PRDM16: variants seen among roughly 807,000 people sequenced by gnomAD.
PRDM16 encodes the protein PR/SET domain 16.
Under a neutral mutation model 110.6 loss-of-function variants are expected in PRDM16, and 23 were observed. That is an observed-to-expected ratio of 0.21 (90% confidence interval 0.15 to 0.29). The LOEUF (loss-of-function observed/expected upper bound fraction) is 0.29. PRDM16 is among the 10% of genes least tolerant of loss of function. PRDM16 has a pLI of 1.00. For missense variants in PRDM16, 1,615 were observed against 1,794.3 expected (o/e 0.90, Z 1.81); for synonymous variants, 799 against 781.8 (o/e 1.02, Z -0.37).
chr1:3,362,396 G>A (rs540311566), intron 3 of PRDM16, among the ~76,000 whole-genome samples: 69 of 152,320 alleles, frequency 4.5e-4, no homozygotes, highest in African/African-American at 1.5e-3. Flanking sequence ...CACAACGGGC[G>A]GTCATGGTTG....
At chr1:3,113,363 C>T (rs924403189) in intron 1 of PRDM16, among the ~76,000 whole-genome samples, 1 of 152,138 alleles carries the variant, frequency 6.6e-6, no homozygotes, top group Non-Finnish European at 1.5e-5. Flanking sequence ...GGCTCCTTCA[C>T]TGCAGGTCCC....
At chr1:3,192,964 T>C (rs1638351336) in intron 2 of PRDM16, among the ~76,000 whole-genome samples, 2 of 152,104 alleles carry the variant, frequency 1.3e-5, no homozygotes, top group South Asian at 2.1e-4. Flanking sequence ...AGATCCCTGG[T>C]GATTCATGTG....
In PRDM16 at chr1:3,208,888, C is replaced by A. The variant is rs552886942; in HGVS notation, c.387+22414C>A. The stretch of plus-strand genomic sequence containing the variant: ...GTCCAGAGGCCCCCCCAGGTCCCCA[C>A]GAGTGGGTGGAAAGTCTTGGGGACA... On this transcript the variant is annotated intron_variant, in intron 2 of 16. Coordinates refer to ENST00000270722, the MANE Select transcript of PRDM16 (RefSeq NM_022114.4). The surrounding 1 kb of genome is among the most constrained non-coding windows in gnomAD (Gnocchi z 6.1). 6.6e-6 allele frequency among the ~76,000 whole-genome samples: 1 copy of A among 152,114 alleles called. No individual in the cohort carries two copies. The highest frequency in any genetic ancestry group is 1.5e-5 in the Non-Finnish European group (1 of 68,024).
chr1:3,120,457 G>C (rs529323779), intron 1 of PRDM16, among the ~76,000 whole-genome samples: 1 of 152,230 alleles, frequency 6.6e-6, no homozygotes, highest in Non-Finnish European at 1.5e-5. Flanking sequence ...GAACTCGGGG[G>C]TCGTCACACA....
Position 3,165,792 on chromosome 1 carries a change from GGGAC to G in PRDM16, c.38-20332_38-20329del, listed in dbSNP as rs1643948400. Among the ~76,000 whole-genome samples, 2 of 79,316 alleles carry G rather than the reference GGGAC, an allele frequency of 2.5e-5. 1 individual carries two copies. Among genetic ancestry groups the G allele is most frequent in the African/African-American group, 1.8e-4 (2 of 11,082 alleles). 52.0% of individuals were successfully genotyped at this position (79,316 alleles called of 152,430 possible). On this transcript the variant is annotated intron_variant, in intron 1 of 16. Coordinates refer to ENST00000270722, the MANE Select transcript of PRDM16 (RefSeq NM_022114.4). The stretch of plus-strand genomic sequence containing the variant: ...AGGGACTCACCAGGGCTCAGGGACA[GGGAC>G]TCACCAGGGCTCAGGCACAGGGACT...
chr1:3,324,824 G>A (rs1380057087), intron 3 of PRDM16, among the ~76,000 whole-genome samples: 2 of 151,850 alleles, frequency 1.3e-5, no homozygotes, highest in Non-Finnish European at 2.9e-5. Context: ...GTGGGACTCG[G>A]CGGGTCGTGG....
At chr1:3,299,296 G>A (rs1641158876) in intron 3 of PRDM16, among the ~76,000 whole-genome samples, 1 of 147,484 alleles carries the variant, frequency 6.8e-6, no homozygotes, top group African/African-American at 2.5e-5. Context: ...GCTATGCTGT[G>A]GCCATGATGT....
chr1:3,146,887 G>A (rs1412607624), intron 1 of PRDM16, among the ~76,000 whole-genome samples: 1 of 126,840 alleles, frequency 7.9e-6, no homozygotes, highest in Admixed American at 8.1e-5. Context: ...TTGGTGTGGG[G>A]TGTGTGTGCA....
At chr1:3,280,026 C>G (rs886142208) in intron 3 of PRDM16, among the ~76,000 whole-genome samples, 1 of 151,320 alleles carries the variant, frequency 6.6e-6, no homozygotes, top group African/African-American at 2.4e-5. Flanking sequence ...TAATGCCATA[C>G]TTTTTTTGTA....
chr1:3,071,764 G>A (rs1641767837), intron 1 of PRDM16, among the ~76,000 whole-genome samples: 1 of 152,182 alleles, frequency 6.6e-6, no homozygotes, highest in African/African-American at 2.4e-5. Flanking sequence ...GCAAGGTCAT[G>A]GTTACCAGGT....
At chr1:3,241,574 G>A (rs1184928528) in intron 2 of PRDM16, among the ~76,000 whole-genome samples, 1 of 152,216 alleles carries the variant, frequency 6.6e-6, no homozygotes, top group Non-Finnish European at 1.5e-5. Flanking sequence ...TGGAGCATCC[G>A]TCTCTGCGTC....
chr1:3,423,567 A>T (rs376867273), intron 12 of PRDM16, among the ~76,000 whole-genome samples: 99 of 152,238 alleles, frequency 6.5e-4, no homozygotes, highest in African/African-American at 2.4e-3. Context: ...GCACGTCCCC[A>T]TCCATGTGAC....
chr1:3,321,254 G>T (rs1258299356), intron 3 of PRDM16, among the ~76,000 whole-genome samples: 3 of 151,334 alleles, frequency 2.0e-5, no homozygotes, highest in South Asian at 2.1e-4. Context: ...GGGTAAATAT[G>T]CATGTGAATA....
chr1:3,114,175 GCACACA>G (rs59552389), intron 1 of PRDM16, among the ~76,000 whole-genome samples: 11 of 112,996 alleles, frequency 9.7e-5, no homozygotes, highest in African/African-American at 2.3e-4. Context: ...GCACACACAC[GCACACA>G]CACGCACACA....
At position 3,385,201 on chromosome 1, in the gene PRDM16, C is replaced by G. The variant is rs201182055; in HGVS notation, c.488C>G (p.Ala163Gly). The G allele has an allele frequency of 9.3e-6, 15 of 1,613,570 alleles. No individual in the cohort carries two copies. In the Admixed American group the frequency reaches 2.5e-4, roughly 27 times the overall value. Residue 163 changes from alanine (A) to glycine (G), a missense_variant, in exon 4 of 17, where the codon GCG becomes GGG. Physicochemically the swap from Ala to Gly is moderately conservative, Grantham distance 60 (BLOSUM62 0). This residue lies in a region of PRDM16 where 416 missense variants were observed against 467.1 expected (regional missense o/e 0.89). Transcript: ENST00000270722. ...AAGTTCTGCGTGGATGCAAATCAGG[C>G]GGGGGCTGGCAGCTGGCTCAAGTAC... is the stretch of plus-strand genomic sequence containing the variant. ...SEKFCVDANQ[A>G]GAGSWLKYIR...
At chr1:3,281,950 G>A (rs1322672465) in intron 3 of PRDM16, among the ~76,000 whole-genome samples, 1 of 152,202 alleles carries the variant, frequency 6.6e-6, no homozygotes, top group African/African-American at 2.4e-5. Context: ...CCGCAGCCCT[G>A]GATGTGGAGG....
intron 1 of PRDM16, among the ~76,000 whole-genome samples, chr1:3,102,193 C>T (rs569703212): frequency 7.9e-5 from 12 of 152,278 alleles, no homozygotes; most frequent in Non-Finnish European, 1.0e-4. Flanking sequence ...TGAGTCCAGC[C>T]GCACAGGGAG....
At chr1:3,349,504 G>A (rs1361968536) in intron 3 of PRDM16, among the ~76,000 whole-genome samples, 1 of 152,198 alleles carries the variant, frequency 6.6e-6, no homozygotes, top group Non-Finnish European at 1.5e-5. Context: ...GGTGCCCATG[G>A]GGCTTGGCTC....
Position 3,412,399 on chromosome 1 carries a change from C to G in PRDM16, c.2202C>G (p.Pro734=). ...CCTTCCAGTTCCTGCCCAACTTCCC[C>G]CACTCCCTTTACCCCTTCACGGACC... ...AFPFQFLPNF[P]HSLYPFTDRA... Residue 734 remains proline, a synonymous_variant, in exon 9 of 17, where the codon CCC becomes CCG. Coordinates refer to ENST00000270722, the MANE Select transcript of PRDM16 (RefSeq NM_022114.4). The G allele has an allele frequency of 6.2e-7, 1 of 1,613,354 alleles. No individual in the cohort carries two copies. Among genetic ancestry groups the G allele is most frequent in the African/African-American group, 1.3e-5 (1 of 75,072 alleles).
Sources: gnomAD v4.1 joint callset for allele counts (sites outside exome capture counted in the v4.1 genomes callset) on GRCh38, gnomAD v4.1.1 for gene constraint, gnomAD v4.1.1 regional missense constraint, Gnocchi (gnomAD v3.1) non-coding constraint, MANE v1.5 for transcripts, NCBI Gene and HGNC (gene_info 2026-07-23, HGNC 2026-07-21) for gene names.